Variants in LUZP2 observed in about 807,000 individuals in gnomAD.
The protein encoded by LUZP2 is leucine zipper protein 2.
Under a neutral mutation model 51.6 loss-of-function variants are expected in LUZP2, and 52 were observed. The observed-to-expected ratio is 1.01, with a 90% confidence interval of 0.81 to 1.27. The LOEUF (loss-of-function observed/expected upper bound fraction) is 1.27. Among genes scored for constraint, LUZP2 ranks in the 50% most tolerant of loss-of-function variants. The pLI is 0.00. For missense variants in LUZP2, 436 were observed against 395.4 expected, an observed-to-expected ratio of 1.10 and a Z score of -0.87; for synonymous variants, 154 against 137.3, an observed-to-expected ratio of 1.12 and a Z score of -0.85.
intron 7 of LUZP2, among the ~76,000 whole-genome samples, chr11:24,973,268 G>C (rs773597036): frequency 6.7e-6 from 1 of 149,916 alleles, no homozygotes; most frequent in Non-Finnish European, 1.5e-5. Context: ...TTGTATTCCT[G>C]TGGAAGTCAG....
intron 1 of LUZP2, among the ~76,000 whole-genome samples, chr11:24,682,902 G>A (rs1479756107): frequency 6.6e-6 from 1 of 151,964 alleles, no homozygotes; most frequent in South Asian, 2.1e-4. Context: ...TACTCGGGAG[G>A]CTGCGGCAGG....
At position 24,830,943 on chromosome 11, in the gene LUZP2, G is replaced by A. The variant is rs369503126; in HGVS notation, c.396+67635G>A. ...CGGGAGGTGGAGCTTGCAGTAAGCC[G>A]AGATCCTGCCACTGCACTCCAGTCT... On this transcript the variant is annotated intron_variant, in intron 5 of 11. Coordinates refer to ENST00000336930, the MANE Select transcript of LUZP2 (RefSeq NM_001009909.4). Among the ~76,000 whole-genome samples the A allele has an allele frequency of 5.3e-4, 81 of 152,106 alleles. 1 individual carries two copies. The East Asian group carries it at 0.014, about 26-fold the overall frequency.
chr11:24,909,180 A>C (rs1244014890), intron 6 of LUZP2, among the ~76,000 whole-genome samples: 4 of 151,728 alleles, frequency 2.6e-5, no homozygotes, highest in Non-Finnish European at 4.4e-5. Flanking sequence ...AGCAAAGCTC[A>C]AAAAATCTAG....
chr11:24,610,146 G>T (rs12294210), intron 1 of LUZP2, among the ~76,000 whole-genome samples: 3 of 152,168 alleles, frequency 2.0e-5, no homozygotes, highest in African/African-American at 7.2e-5. Context: ...AATGGCGTTC[G>T]AAGAGGAACG....
Position 24,614,643 on chromosome 11 carries a change from T to G in LUZP2, c.63-114526T>G, listed in dbSNP as rs151202824. Among the ~76,000 whole-genome samples the G allele has an allele frequency of 6.1e-3, 921 of 152,090 alleles. 7 individuals carry two copies. Among genetic ancestry groups the G allele is most frequent in the Non-Finnish European group, 5.6e-3 (379 of 67,876 alleles). ...AAATGCGTAAAAATTATTCCTGATT[T>G]AGATCTTTGTACTGCATTTTCCCTC... On this transcript the variant is annotated intron_variant, in intron 1 of 11. Transcript: ENST00000336930.
At chr11:24,519,287 C>G (rs182306239) in intron 1 of LUZP2, among the ~76,000 whole-genome samples, 1 of 152,200 alleles carries the variant, frequency 6.6e-6, no homozygotes, top group East Asian at 1.9e-4. Context: ...CTCAACCCAA[C>G]TTTATCTAGA....
chr11:24,629,848 T>C (rs1854817155), intron 1 of LUZP2, among the ~76,000 whole-genome samples: 1 of 151,902 alleles, frequency 6.6e-6, no homozygotes, highest in African/African-American at 2.4e-5. Context: ...ACATCCTCAC[T>C]AACGTCTGTT....
At chr11:24,891,012 C>T (rs1852837245) in intron 5 of LUZP2, 1 of 978,722 alleles carries the variant, frequency 1.0e-6, no homozygotes, top group Non-Finnish European at 1.2e-6. Context: ...TACATTATCA[C>T]TCTACGTTTA....
At chr11:24,926,493 GTGTATATA>G (rs1231946539) in intron 7 of LUZP2, among the ~76,000 whole-genome samples, 8 of 86,510 alleles carry the variant, frequency 9.2e-5, no homozygotes, top group East Asian at 1.1e-3. Context: ...GTATATATAT[GTGTATATA>G]TGTGTGTGTA....
intron 1 of LUZP2, among the ~76,000 whole-genome samples, chr11:24,530,126 C>A (rs1387467901): frequency 1.3e-5 from 2 of 150,518 alleles, no homozygotes; most frequent in African/African-American, 4.9e-5. Context: ...ATACTAGTAC[C>A]TTTATTTAAT....
intron 7 of LUZP2, among the ~76,000 whole-genome samples, chr11:24,949,606 C>T (rs1345726085): frequency 6.6e-6 from 1 of 151,452 alleles, no homozygotes; most frequent in Non-Finnish European, 1.5e-5. Context: ...ACATTATCTT[C>T]AATACAAACT....
chr11:24,732,002 T>C (rs1184859371), intron 2 of LUZP2, 116 bp from the exon 3 acceptor site: 2 of 702,452 alleles, frequency 2.8e-6, no homozygotes, highest in East Asian at 5.6e-5. Context: ...TAGACTCATT[T>C]TTAATTCTTG....
At chr11:24,725,534 A>G (rs999351001) in intron 1 of LUZP2, among the ~76,000 whole-genome samples, 5 of 152,142 alleles carry the variant, frequency 3.3e-5, no homozygotes, top group African/African-American at 1.2e-4. Flanking sequence ...GGAGAAACCT[A>G]AGAATAGTCC....
intron 1 of LUZP2, among the ~76,000 whole-genome samples, chr11:24,666,155 G>A (rs1433796686): frequency 5.9e-5 from 9 of 152,088 alleles, no homozygotes; most frequent in Admixed American, 5.9e-4. Context: ...GGGAAGGTCT[G>A]CTTAGAAAAT....
chr11:24,882,360 T>G (rs573549940), intron 5 of LUZP2, among the ~76,000 whole-genome samples: 1 of 152,096 alleles, frequency 6.6e-6, no homozygotes, highest in South Asian at 2.1e-4. Context: ...TATGCTCCTT[T>G]CTCTCACACA....
intron 1 of LUZP2, among the ~76,000 whole-genome samples, chr11:24,664,291 T>C (rs1306267455): frequency 1.3e-5 from 2 of 152,142 alleles, no homozygotes; most frequent in African/African-American, 4.8e-5. Context: ...TTTAGAACTT[T>C]GAATTTGAAA....
At chr11:24,616,934 G>T (rs1854308396) in intron 1 of LUZP2, among the ~76,000 whole-genome samples, 1 of 152,116 alleles carries the variant, frequency 6.6e-6, no homozygotes, top group African/African-American at 2.4e-5. Flanking sequence ...GTAAATCTTG[G>T]TATATACTCC....
At chr11:24,620,155 A>G (rs1389964891) in intron 1 of LUZP2, among the ~76,000 whole-genome samples, 1 of 152,204 alleles carries the variant, frequency 6.6e-6, no homozygotes. Flanking sequence ...CTGTAATTCC[A>G]CAGAAAACAG....
intron 5 of LUZP2, among the ~76,000 whole-genome samples, chr11:24,824,938 A>G (rs906013761): frequency 3.0e-4 from 46 of 152,242 alleles, no homozygotes; most frequent in African/African-American, 1.1e-3. Context: ...TCCATTTGTT[A>G]ATGAAACTAT....
Sources: gnomAD v4.1 joint callset for allele counts (sites outside exome capture counted in the v4.1 genomes callset) on GRCh38, gnomAD v4.1.1 for gene constraint, MANE v1.5 for transcripts, NCBI Gene and HGNC (gene_info 2026-07-23, HGNC 2026-07-21) for gene names.